The following RNF123 variants were observed in gnomAD, a reference collection of about 807,000 sequenced individuals.
RNF123 encodes the protein E3 ubiquitin-protein ligase RNF123.
In RNF123, 86 loss-of-function variants were observed where a neutral mutation model predicts 168.5. The observed-to-expected ratio is 0.51, with a 90% CI of 0.43 to 0.61. RNF123 has a LOEUF of 0.61. RNF123 is among the 20% of genes least tolerant of loss of function. The probability of loss-of-function intolerance (pLI) is 0.00; values close to 1 mark genes in which losing one functional copy is unlikely to be tolerated. For synonymous variants in RNF123, 666 were observed against 689.1 expected (o/e 0.97, Z 0.52); for missense variants, 1,419 against 1,729.7 (o/e 0.82, Z 3.19).
intron 31 of RNF123, among the ~76,000 whole-genome samples, chr3:49,714,472 A>G (rs1323655773): frequency 6.6e-6 from 1 of 152,200 alleles, no homozygotes; most frequent in Non-Finnish European, 1.5e-5. Context: ...CTGGCCTGCT[A>G]CAGCTCATGC....
intron 35 of RNF123, 175 bp from the exon 36 acceptor site, chr3:49,720,336 G>T: frequency 2.1e-6 from 1 of 476,720 alleles, no homozygotes; most frequent in Non-Finnish European, 3.4e-6. Flanking sequence ...AAAAAAAACA[G>T]GCTGTGTGGC....
rs139814207 is a variant in RNF123, at chr3:49,701,516, T to G, written c.1303T>G (p.Phe435Val). ...CTTCGACGTGCTCCGCTCCGTCGTC[T>G]TCTTTTACATCAAGAGCCCCCTGCG... ...VLFDVLRSVV[F>V]FYIKSPLRVE... The change falls in exon 16 of 39, where the codon TTC becomes GTC. Residue 435 changes from phenylalanine (F) to valine (V), a missense_variant. This residue lies in a region of RNF123 where 349 missense variants were observed against 344.9 expected (regional missense o/e 1.01). Transcript: ENST00000327697. 2.5e-4 allele frequency: 406 copies of G among 1,613,772 alleles called. No individual in the cohort carries two copies. The highest frequency in any genetic ancestry group is 1.2e-3 in the African/African-American group (90 of 75,042).
chr3:49,706,277 A>G (rs1311548170), intron 25 of RNF123, among the ~76,000 whole-genome samples: 1 of 152,192 alleles, frequency 6.6e-6, no homozygotes, highest in Non-Finnish European at 1.5e-5. Context: ...GGGCCCAATA[A>G]GTGCTGAAGC....
chr3:49,698,798 A>G lies in RNF123; in HGVS notation c.614A>G (p.Asp205Gly). The G allele has an allele frequency of 6.2e-7, 1 of 1,613,916 alleles. No homozygotes were observed. The highest frequency in any genetic ancestry group is 8.5e-7 in the Non-Finnish European group (1 of 1,179,936). Residue 205 changes from aspartate to glycine, a missense_variant, in exon 9 of 39, where the codon GAT becomes GGT. Physicochemically the swap from Asp to Gly is moderately conservative, Grantham distance 94. Coordinates refer to ENST00000327697, the MANE Select transcript of RNF123 (RefSeq NM_022064.5). ...GDIVSCLIDL[D>G]DGTLSFCLNG... ...ATCGTGAGCTGCCTGATTGACCTGG[A>G]TGATGGCACTCTGTCCTTCTGCCTG...
intron 35 of RNF123, chr3:49,718,161 T>C (rs1488673096): frequency 6.2e-7 from 1 of 1,613,092 alleles, no homozygotes; most frequent in Admixed American, 1.7e-5. Context: ...TGGTGCTGAG[T>C]ACTGAGGACT....
rs765538315 is a variant in RNF123, at chr3:49,720,795, C to A, written c.3644-5C>A. On this transcript the variant is annotated splice_polypyrimidine_tract_variant and splice_region_variant and intron_variant, in intron 36 of 38. Coordinates refer to ENST00000327697, the MANE Select transcript of RNF123 (RefSeq NM_022064.5). ...TCTGACTTGACACTACCTACCACTCCCCAGATGCGGATTATATCAGTGCCG... is the reference window on the plus strand; with the variant it reads ...TCTGACTTGACACTACCTACCACTCACCAGATGCGGATTATATCAGTGCCG... The A allele has an allele frequency of 3.7e-6, 6 of 1,614,040 alleles. No homozygotes were observed. The African/African-American group carries it at 8.0e-5, about 22-fold the overall frequency.
rs990897359 is a variant in RNF123, at chr3:49,720,416, T to C, written c.3501-95T>C. 3.8e-5 allele frequency: 49 copies of C among 1,287,354 alleles called. No homozygotes were observed. The Admixed American group carries it at 9.6e-4, about 25-fold the overall frequency. 79.7% of individuals were successfully genotyped at this position (1,287,354 alleles called of 1,614,324 possible). On this transcript the variant is annotated intron_variant, in intron 35 of 38. Coordinates refer to ENST00000327697, the MANE Select transcript of RNF123 (RefSeq NM_022064.5). ...GGAAAGGATGCAGGGGGGGTGATCA[T>C]GTACGAGCCATGGCACTCCTCATTG...
chr3:49,717,875 C>T lies in RNF123; in HGVS notation c.3500+1398C>T, dbSNP rs573235309. The T allele has an allele frequency of 1.0e-5, 15 of 1,488,202 alleles. No homozygotes were observed. The East Asian group carries it at 3.4e-4, about 34-fold the overall frequency. The allele number at this position is 1,488,202 out of a possible 1,614,324, so 92.2% of individuals were successfully genotyped here. Reference sequence around the variant, plus strand: ...CACAGTGCTTCCCACCAGTATCTGCCAGTTCTCTGGACCGAAGCAGGGAGC... The same window carrying T: ...CACAGTGCTTCCCACCAGTATCTGCTAGTTCTCTGGACCGAAGCAGGGAGC... On this transcript the variant is annotated intron_variant, in intron 35 of 38. Transcript: ENST00000327697.
chr3:49,720,432 C>T, intron 35 of RNF123, 79 bp from the exon 36 acceptor site: 1 of 1,412,156 alleles, frequency 7.1e-7, no homozygotes, highest in South Asian at 1.5e-5. Flanking sequence ...AGCCATGGCA[C>T]TCCTCATTGG....
intron 1 of RNF123, among the ~76,000 whole-genome samples, chr3:49,689,973 A>C (rs2054091745): frequency 1.3e-5 from 2 of 152,352 alleles, no homozygotes; most frequent in South Asian, 4.1e-4. Flanking sequence ...AGGTCTGCTC[A>C]TCAAATGAAT....
rs954346276 is a variant in RNF123, at chr3:49,698,909, C to CT, written c.639-70dup. On this transcript the variant is annotated intron_variant, in intron 9 of 38. Coordinates refer to ENST00000327697, the MANE Select transcript of RNF123 (RefSeq NM_022064.5). ...TTCCTGGGCCCTGTAAGGGGCCAGACTGAGTTTGATAGCCTGAGGGTGGGC... is the reference window on the plus strand; with the variant it reads ...TTCCTGGGCCCTGTAAGGGGCCAGACTTGAGTTTGATAGCCTGAGGGTGGGC... The CT allele has an allele frequency of 1.0e-5, 16 of 1,606,996 alleles. No homozygotes were observed. The African/African-American group carries it at 2.1e-4, about 22-fold the overall frequency.
At chr3:49,713,337 C>T (rs1216563243) in intron 27 of RNF123, 176 bp from the exon 28 acceptor site, 1 of 637,826 alleles carries the variant, frequency 1.6e-6, no homozygotes, top group East Asian at 2.7e-5. Flanking sequence ...TGTGCCTTAG[C>T]CCTTGCACAG....
chr3:49,690,647 CT>C (rs1177731967), intron 1 of RNF123, among the ~76,000 whole-genome samples: 1 of 152,188 alleles, frequency 6.6e-6, no homozygotes, highest in Non-Finnish European at 1.5e-5. Context: ...AGGCTCCAGC[CT>C]TGTGGGGAGT....
chr3:49,716,264 C>T (rs2080242989), intron 34 of RNF123, 87 bp downstream of exon 34: 1 of 1,560,526 alleles, frequency 6.4e-7, no homozygotes, highest in Non-Finnish European at 8.8e-7. Context: ...CACATTCTGC[C>T]CCCGGACAGC....
intron 27 of RNF123, 108 bp from the exon 28 acceptor site, chr3:49,713,405 T>G: frequency 9.1e-7 from 1 of 1,104,672 alleles, no homozygotes; most frequent in Non-Finnish European, 1.3e-6. Flanking sequence ...CAGGCTGGCC[T>G]TGGGAGCCAG....
Position 49,693,055 on chromosome 3 carries a change from A to AT in RNF123, c.167+1557dup, listed in dbSNP as rs1294920646. The stretch of plus-strand genomic sequence containing the variant: ...AGTTTAGTTTTTTTTTTTTTGAAAA[A>AT]TTTTTTTTTTTGAGACGGAGTCTTG... On this transcript the variant is annotated intron_variant, in intron 3 of 38. Coordinates refer to ENST00000327697, the MANE Select transcript of RNF123 (RefSeq NM_022064.5). 4.9e-3 allele frequency among the ~76,000 whole-genome samples: 729 copies of AT among 147,664 alleles called. 7 individuals carry two copies. The highest frequency in any genetic ancestry group is 0.016 in the African/African-American group (657 of 40,230).
rs1217951211 is a variant in RNF123 at position 49,702,324 on chromosome 3, T to C, written c.1558-10T>C. ...AGCTCAGCACAGCCTCACTTTTCCC[T>C]CTCTCAAAGGGTGAAGCTTCTAGGT... is the stretch of plus-strand genomic sequence containing the variant. On this transcript the variant is annotated splice_polypyrimidine_tract_variant and intron_variant, in intron 18 of 38. Coordinates refer to ENST00000327697, the MANE Select transcript of RNF123 (RefSeq NM_022064.5). 1.1e-5 allele frequency: 18 copies of C among 1,613,864 alleles called. No homozygotes were observed. The highest frequency in any genetic ancestry group is 1.4e-5 in the Non-Finnish European group (17 of 1,179,856).
intron 35 of RNF123, chr3:49,719,118 T>C: frequency 6.2e-7 from 1 of 1,613,530 alleles, no homozygotes; most frequent in Non-Finnish European, 8.5e-7. Context: ...TGTTAGATGA[T>C]AGATCGAGCA....
Position 49,711,984 on chromosome 3 carries a change from A to G in RNF123, c.2497-495A>G, listed in dbSNP as rs560302616. ...GCACCCTCTTGCCTAAAACTTGCTT[A>G]CAGGCTGAGGCAGGCAGATCACCTG... On this transcript the variant is annotated intron_variant, in intron 26 of 38. Coordinates refer to ENST00000327697, the MANE Select transcript of RNF123 (RefSeq NM_022064.5). 1.1e-4 allele frequency among the ~76,000 whole-genome samples: 17 copies of G among 152,242 alleles called. No individual in the cohort carries two copies. In the South Asian group the frequency reaches 3.5e-3, roughly 32 times the overall value.
Sources: gnomAD v4.1 joint callset for allele counts (sites outside exome capture counted in the v4.1 genomes callset) on GRCh38, gnomAD v4.1.1 for gene constraint, gnomAD v4.1.1 regional missense constraint, MANE v1.5 for transcripts, NCBI Gene and HGNC (gene_info 2026-07-23, HGNC 2026-07-21) for gene names.